The following ARHGEF10L variants were observed in gnomAD, a reference collection of about 807,000 sequenced individuals.
ARHGEF10L encodes the protein Rho guanine nucleotide exchange factor 10 like.
Under a neutral mutation model 141.2 loss-of-function variants are expected in ARHGEF10L, and 69 were observed. The ratio of observed to expected loss-of-function variants is 0.49; its 90% CI spans 0.40 to 0.60. The LOEUF (loss-of-function observed/expected upper bound fraction) is 0.60. ARHGEF10L is among the 20% of genes least tolerant of loss of function. The pLI, the probability that ARHGEF10L is intolerant of heterozygous loss-of-function variation, is 0.00. For missense variants in ARHGEF10L, 1,482 were observed against 1,734.3 expected (o/e 0.85, Z 2.58); for synonymous variants, 711 against 718.5 (o/e 0.99, Z 0.17).
intron 1 of ARHGEF10L, among the ~76,000 whole-genome samples, chr1:17,556,336 G>A (rs1023160483): frequency 6.6e-6 from 1 of 151,708 alleles, no homozygotes; most frequent in African/African-American, 2.4e-5. Flanking sequence ...GGAGCATGGG[G>A]GTAAGCTTGG....
intron 15 of ARHGEF10L, among the ~76,000 whole-genome samples, chr1:17,629,134 C>T (rs971080664): frequency 4.6e-5 from 7 of 152,154 alleles, no homozygotes; most frequent in African/African-American, 1.7e-4. Flanking sequence ...GAGCCTCCTG[C>T]CTCAGCCTCT....
intron 26 of ARHGEF10L, among the ~76,000 whole-genome samples, chr1:17,670,025 A>G (rs768763252): frequency 6.6e-6 from 1 of 152,258 alleles, no homozygotes; most frequent in East Asian, 1.9e-4. Flanking sequence ...GAGCTCGGCT[A>G]TGCGGGTGAG....
intron 7 of ARHGEF10L, 142 bp downstream of exon 7, chr1:17,608,119 G>C: frequency 1.1e-6 from 1 of 934,120 alleles, no homozygotes; most frequent in Non-Finnish European, 1.4e-6. Flanking sequence ...TGTGTGGTGA[G>C]AGGGGAGCCA....
intron 4 of ARHGEF10L, among the ~76,000 whole-genome samples, chr1:17,595,727 G>A (rs1209728579): frequency 6.6e-6 from 1 of 152,174 alleles, no homozygotes; most frequent in East Asian, 1.9e-4. Flanking sequence ...GAGAGGCGGA[G>A]GGAAGGAGGG....
chr1:17,636,125 C>T (rs1018273327), intron 18 of ARHGEF10L, among the ~76,000 whole-genome samples: 1 of 152,142 alleles, frequency 6.6e-6, no homozygotes, highest in African/African-American at 2.4e-5. Context: ...CCCTCCCCGC[C>T]GCTTGGGGCA....
intron 15 of ARHGEF10L, among the ~76,000 whole-genome samples, chr1:17,630,661 C>CGAGTCACTTTACCCCTGGAATCTCAGT (rs2060630296): frequency 6.6e-6 from 1 of 152,180 alleles, no homozygotes; most frequent in Non-Finnish European, 1.5e-5. Flanking sequence ...TGGGTCTCAG[C>CGAGTCACTTTACCCCTGGAATCTCAGT]GAGTCACTTT....
chr1:17,688,348 C>A (rs1172640794), intron 27 of ARHGEF10L, among the ~76,000 whole-genome samples: 2 of 152,282 alleles, frequency 1.3e-5, no homozygotes, highest in Non-Finnish European at 2.9e-5. Context: ...CACCAAATGC[C>A]CCCCAAGGCC....
At chr1:17,529,255 G>A in the ARHGEF10L span, among the ~76,000 whole-genome samples, 1 of 152,126 alleles carries the variant, frequency 6.6e-6, no homozygotes, top group African/African-American at 2.4e-5. Flanking sequence ...CACCTTCCTC[G>A]GCCTCCCAAT....
intron 4 of ARHGEF10L, among the ~76,000 whole-genome samples, chr1:17,599,449 G>A (rs1433836570): frequency 6.6e-6 from 1 of 152,150 alleles, no homozygotes; most frequent in African/African-American, 2.4e-5. Flanking sequence ...GAGCAAAGAG[G>A]ACCTGTGGCC....
intron 4 of ARHGEF10L, among the ~76,000 whole-genome samples, chr1:17,590,901 C>T (rs1250181951): frequency 2.0e-5 from 3 of 152,136 alleles, no homozygotes; most frequent in African/African-American, 7.2e-5. Context: ...GCAGGAGAAT[C>T]GCTTGAACCT....
intron 26 of ARHGEF10L, among the ~76,000 whole-genome samples, chr1:17,676,977 T>C (rs968516206): frequency 1.3e-5 from 2 of 149,358 alleles, no homozygotes; most frequent in Admixed American, 6.6e-5. Flanking sequence ...TCCATCGCAC[T>C]CTCTGCATCG....
At chr1:17,635,891 C>T (rs1474051543) in intron 18 of ARHGEF10L, among the ~76,000 whole-genome samples, 3 of 152,206 alleles carry the variant, frequency 2.0e-5, no homozygotes, top group Non-Finnish European at 2.9e-5. Flanking sequence ...TCACTTCCCC[C>T]TCTGTCTGCT....
rs1426949702 is a variant in ARHGEF10L at position 17,632,420 on chromosome 1, G to A, written c.1684G>A (p.Val562Ile). Residue 562 changes from valine (V) to isoleucine (I), a missense_variant, in exon 16 of 29, where the codon GTC (valine) becomes ATC (isoleucine). Around this residue, in one of 3 missense-constraint regions of ARHGEF10L, gnomAD observed 392 missense variants for 542.1 expected, o/e 0.72. Coordinates refer to ENST00000361221, the MANE Select transcript of ARHGEF10L (RefSeq NM_018125.4). ...GCTAATTAAGTCCAAGGAGCGTCGG[G>A]TCTTCCTGCTCAACGACATGCTTGT... ...GQLIKSKERR[V>I]FLLNDMLVCA... 1 of 1,614,212 alleles carries A rather than the reference G, an allele frequency of 6.2e-7. No individual in the cohort carries two copies. The highest frequency in any genetic ancestry group is 2.2e-5 in the East Asian group (1 of 44,880).
intron 21 of ARHGEF10L, among the ~76,000 whole-genome samples, chr1:17,646,723 C>A (rs1008706930): frequency 2.0e-5 from 3 of 151,974 alleles, no homozygotes; most frequent in African/African-American, 7.3e-5. Flanking sequence ...GTGGTGCAGG[C>A]CTCTCTGAGA....
intron 26 of ARHGEF10L, among the ~76,000 whole-genome samples, chr1:17,677,231 C>T (rs1307449136): frequency 6.6e-6 from 1 of 152,194 alleles, no homozygotes; most frequent in Admixed American, 6.5e-5. Context: ...ATTTTGCCTT[C>T]AGTGCTTCAC....
chr1:17,620,632 G>A (rs1177258349), intron 10 of ARHGEF10L, among the ~76,000 whole-genome samples: 1 of 152,168 alleles, frequency 6.6e-6, no homozygotes, highest in Non-Finnish European at 1.5e-5. Flanking sequence ...AGAAGAGCCT[G>A]CTGGAGGCAG....
intron 21 of ARHGEF10L, among the ~76,000 whole-genome samples, chr1:17,641,652 A>G (rs964525743): frequency 6.6e-6 from 1 of 151,598 alleles, no homozygotes; most frequent in Non-Finnish European, 1.5e-5. Context: ...ACAAAACACA[A>G]CAAAACAAAC....
At chr1:17,550,087 G>T (rs534911622) in intron 1 of ARHGEF10L, among the ~76,000 whole-genome samples, 2 of 152,316 alleles carry the variant, frequency 1.3e-5, no homozygotes, top group South Asian at 4.1e-4. Context: ...GCAAGGAAAG[G>T]TTCCCATTTG....
rs2081293502 is a variant in ARHGEF10L, at chr1:17,607,608, C to T, written c.434-194C>T. Among the ~76,000 whole-genome samples the T allele has an allele frequency of 6.6e-6, 1 of 152,204 alleles. No individual in the cohort carries two copies. The highest frequency in any genetic ancestry group is 2.1e-4 in the South Asian group (1 of 4,830). ...GGTTTTCCCCATTTTCTCAGGCCCT[C>T]CTTGCCCTACGAGGGGGAAAATGTA... On this transcript the variant is annotated intron_variant, in intron 6 of 28. Coordinates refer to ENST00000361221, the MANE Select transcript of ARHGEF10L (RefSeq NM_018125.4). The surrounding 1 kb of genome is among the most constrained non-coding windows in gnomAD (Gnocchi z 4.5).
Sources: allele counts gnomAD v4.1 joint callset (sites outside exome capture counted in the v4.1 genomes callset), GRCh38; gene constraint gnomAD v4.1.1; regional missense constraint gnomAD v4.1.1; non-coding constraint Gnocchi (gnomAD v3.1); transcripts MANE v1.5; gene names NCBI Gene and HGNC (gene_info 2026-07-23, HGNC 2026-07-21).